Variants in MARCHF6 observed in about 807,000 individuals in gnomAD.
The protein encoded by MARCHF6 is membrane associated ring-CH-type finger 6.
Under a neutral mutation model 133.7 loss-of-function variants are expected in MARCHF6, and 31 were observed. That is an observed-to-expected ratio of 0.23 (90% CI 0.17 to 0.31). MARCHF6 has a LOEUF of 0.31. Ranked by LOEUF, MARCHF6 falls within the 10% of genes least tolerant of loss-of-function variation. The pLI is 1.00. For synonymous variants in MARCHF6, 395 were observed against 402.5 expected, an observed-to-expected ratio of 0.98 and a Z score of 0.22; for missense variants, 723 against 1,121.6, an observed-to-expected ratio of 0.64 and a Z score of 5.08.
intron 6 of MARCHF6, among the ~76,000 whole-genome samples, chr5:10,390,910 A>G (rs1390045293): frequency 6.6e-6 from 1 of 152,214 alleles, no homozygotes; most frequent in Non-Finnish European, 1.5e-5. Context: ...GGACTACAGA[A>G]TGTTTTTAAG....
chr5:10,355,988 A>T (rs1168045987), intron 1 of MARCHF6, among the ~76,000 whole-genome samples: 2 of 152,226 alleles, frequency 1.3e-5, no homozygotes, highest in Non-Finnish European at 2.9e-5. Context: ...CATGAAATGC[A>T]AGTGAATTTT....
rs1008507050 is a variant in MARCHF6 at position 10,354,027 on chromosome 5, C to T, written c.19+110C>T. 13 of 1,155,310 alleles carry T rather than the reference C, an allele frequency of 1.1e-5. No homozygotes were observed. The African/African-American group carries it at 2.0e-4, about 17-fold the overall frequency. 71.6% of individuals were successfully genotyped at this position (1,155,310 alleles called of 1,614,324 possible). On this transcript the variant is annotated intron_variant, in intron 1 of 25. Transcript: ENST00000274140. ...CTGCTGGATCGCGGCGGGGCGGACG[C>T]CTGGGCCGTTTGTCCACCCGCTGGG...
intron 1 of MARCHF6, among the ~76,000 whole-genome samples, chr5:10,361,835 C>T (rs1402762324): frequency 6.6e-6 from 1 of 152,026 alleles, no homozygotes; most frequent in Non-Finnish European, 1.5e-5. Context: ...GCGATCTCGG[C>T]TCATGGCAAC....
At chr5:10,409,636 G>C (rs1171029804) in intron 17 of MARCHF6, among the ~76,000 whole-genome samples, 1 of 152,186 alleles carries the variant, frequency 6.6e-6, no homozygotes, top group African/African-American at 2.4e-5. Flanking sequence ...ATCTAACTTA[G>C]GTTTAAAGAG....
Position 10,407,069 on chromosome 5 carries a change from T to G in MARCHF6, c.1453-33T>G, listed in dbSNP as rs1326193339. ...GTCTTGCACAGGAGTGATTGACTCT[T>G]ATAGTGGTGTCATACCCTGTTTCCT... On this transcript the variant is annotated intron_variant, in intron 16 of 25. Coordinates refer to ENST00000274140, the MANE Select transcript of MARCHF6 (RefSeq NM_005885.4). 4 of 1,215,074 alleles carry G rather than the reference T, an allele frequency of 3.3e-6. No individual in the cohort carries two copies. In the African/African-American group the frequency reaches 6.0e-5, roughly 18 times the overall value. 75.3% of individuals were successfully genotyped at this position (1,215,074 alleles called of 1,614,324 possible).
At chr5:10,363,534 T>TA (rs1162400462) in intron 1 of MARCHF6, among the ~76,000 whole-genome samples, 1 of 152,178 alleles carries the variant, frequency 6.6e-6, no homozygotes, top group East Asian at 1.9e-4. Flanking sequence ...CTTCATTTGT[T>TA]ACGCTAGGAA....
chr5:10,358,829 C>T (rs1735639964), intron 1 of MARCHF6, among the ~76,000 whole-genome samples: 1 of 152,126 alleles, frequency 6.6e-6, no homozygotes, highest in African/African-American at 2.4e-5. Flanking sequence ...AAAATATATA[C>T]AAATCTGTCA....
chr5:10,377,378 C>T (rs929024310), intron 1 of MARCHF6, among the ~76,000 whole-genome samples: 2 of 152,092 alleles, frequency 1.3e-5, no homozygotes, highest in Admixed American at 6.5e-5. Flanking sequence ...TGTGGTGAGT[C>T]CTCACATGTG....
chr5:10,417,061 G>A (rs2126800086), intron 21 of MARCHF6, among the ~76,000 whole-genome samples: 1 of 152,282 alleles, frequency 6.6e-6, no homozygotes, highest in Non-Finnish European at 1.5e-5. Flanking sequence ...GAACTGGATT[G>A]TGAGAAAAAA....
chr5:10,372,422 C>T (rs1196224655), intron 1 of MARCHF6, among the ~76,000 whole-genome samples: 2 of 152,086 alleles, frequency 1.3e-5, no homozygotes, highest in Non-Finnish European at 2.9e-5. Flanking sequence ...ATTTTTTATA[C>T]TTCATTATAC....
chr5:10,374,527 TTTTG>T (rs1459086919), intron 1 of MARCHF6, among the ~76,000 whole-genome samples: 3 of 152,094 alleles, frequency 2.0e-5, no homozygotes, highest in Non-Finnish European at 4.4e-5. Context: ...CGTGGTTCTA[TTTTG>T]TTTGTGTTGG....
chr5:10,395,067 G>T (rs1354139845), intron 9 of MARCHF6, among the ~76,000 whole-genome samples: 2 of 152,130 alleles, frequency 1.3e-5, no homozygotes, highest in African/African-American at 2.4e-5. Flanking sequence ...CCCAAGTGCT[G>T]GGATTACAGG....
chr5:10,415,038 G>C lies in MARCHF6; in HGVS notation c.1967-450G>C, dbSNP rs191566693. ...TAAAATAAGCTTAGTTTTCTGTCTT[G>C]ATGAATGAGCCAATTGGAAGATAGT... On this transcript the variant is annotated intron_variant, in intron 20 of 25. Coordinates refer to ENST00000274140, the MANE Select transcript of MARCHF6 (RefSeq NM_005885.4). 2.0e-5 allele frequency among the ~76,000 whole-genome samples: 3 copies of C among 152,220 alleles called. No homozygotes were observed. The East Asian group carries it at 5.8e-4, about 29-fold the overall frequency.
chr5:10,361,338 TAAGAGAAATTTGTTTTCTC>T (rs1208577117), intron 1 of MARCHF6, among the ~76,000 whole-genome samples: 3 of 152,150 alleles, frequency 2.0e-5, no homozygotes, highest in African/African-American at 7.2e-5. Flanking sequence ...ATTGGGTGCT[TAAGAGAAATTTGTTTTCTC>T]AACTCTGGAG....
Position 10,436,388 on chromosome 5 carries a change from A to G in MARCHF6, c.*2704A>G, listed in dbSNP as rs1048651879. 6.6e-6 allele frequency: 1 copy of G among 152,206 alleles called. No individual in the cohort carries two copies. Among genetic ancestry groups the G allele is most frequent in the African/African-American group, 2.4e-5 (1 of 41,456 alleles). 9.4% of individuals were successfully genotyped at this position (152,206 alleles called of 1,614,324 possible). A position where few individuals can be genotyped will look rare whatever the true frequency, so the allele number is the denominator to read the frequency against. On this transcript the variant is annotated 3_prime_UTR_variant, in exon 26 of 26. Coordinates refer to ENST00000274140, the MANE Select transcript of MARCHF6 (RefSeq NM_005885.4). ...CCAGCATAATATTTGCTTGGGTAGCATCCGGGTTTTAGTATTTAACCAAGA... is the reference window on the plus strand; with the variant it reads ...CCAGCATAATATTTGCTTGGGTAGCGTCCGGGTTTTAGTATTTAACCAAGA...
Position 10,407,086 on chromosome 5 carries a change from C to T in MARCHF6, c.1453-16C>T. The T allele has an allele frequency of 6.8e-7, 1 of 1,474,382 alleles. No homozygotes were observed. Among genetic ancestry groups the T allele is most frequent in the Admixed American group, 1.7e-5 (1 of 58,970 alleles). 91.3% of individuals were successfully genotyped at this position (1,474,382 alleles called of 1,614,324 possible). A position where few individuals can be genotyped will look rare whatever the true frequency, so the allele number is the denominator to read the frequency against. On this transcript the variant is annotated splice_polypyrimidine_tract_variant and intron_variant, in intron 16 of 25. Transcript: ENST00000274140. ...TTGACTCTTATAGTGGTGTCATACCCTGTTTCCTTCTGCAGATTGTCTTTG... is the reference window on the plus strand; with the variant it reads ...TTGACTCTTATAGTGGTGTCATACCTTGTTTCCTTCTGCAGATTGTCTTTG...
At chr5:10,424,585 A>T (rs910317116) in intron 23 of MARCHF6, among the ~76,000 whole-genome samples, 3 of 152,222 alleles carry the variant, frequency 2.0e-5, no homozygotes, top group African/African-American at 7.2e-5. Context: ...CGTTTAAGCC[A>T]TCCTTTATCT....
chr5:10,360,620 A>G (rs1183233800), intron 1 of MARCHF6, among the ~76,000 whole-genome samples: 3 of 152,152 alleles, frequency 2.0e-5, no homozygotes, highest in African/African-American at 7.2e-5. Context: ...AGGGTTACTG[A>G]GTCTATCTCT....
At chr5:10,433,499 C>T (rs1010490876) in intron 25 of MARCHF6, 95 bp from the exon 26 acceptor site, 18 of 913,602 alleles carry the variant, frequency 2.0e-5, no homozygotes, top group Admixed American at 1.3e-4. Context: ...CAACCATTGA[C>T]GAGTTTTAAG....
Sources: allele counts gnomAD v4.1 joint callset (sites outside exome capture counted in the v4.1 genomes callset), GRCh38; gene constraint gnomAD v4.1.1; transcripts MANE v1.5; gene names NCBI Gene and HGNC (gene_info 2026-07-23, HGNC 2026-07-21).